Variants in CSMD3 observed in about 807,000 individuals in gnomAD.
CSMD3 encodes CUB and Sushi multiple domains 3, also known as CUB and sushi domain-containing protein 3.
Under a neutral mutation model 435.2 loss-of-function variants are expected in CSMD3, and 177 were observed. The ratio of observed to expected loss-of-function variants is 0.41; its 90% CI spans 0.36 to 0.46. The LOEUF is 0.46. CSMD3 is among the 20% of genes least tolerant of loss of function. The pLI, the probability that CSMD3 is intolerant of heterozygous loss-of-function variation, is 0.34. For missense variants in CSMD3, 4,265 were observed against 4,504.6 expected, an observed-to-expected ratio of 0.95 and a Z score of 1.52; for synonymous variants, 1,656 against 1,520.5, an observed-to-expected ratio of 1.09 and a Z score of -2.07.
intron 22 of CSMD3, among the ~76,000 whole-genome samples, chr8:112,615,653 T>C (rs999807866): frequency 1.3e-5 from 2 of 152,062 alleles, no homozygotes; most frequent in African/African-American, 4.8e-5. Context: ...TCACCAAACA[T>C]GGCTCTTAAA....
At chr8:112,496,312 A>T (rs978211695) in intron 30 of CSMD3, among the ~76,000 whole-genome samples, 1 of 152,258 alleles carries the variant, frequency 6.6e-6, no homozygotes, top group African/African-American at 2.4e-5. Flanking sequence ...TACTGGTGAG[A>T]ATGAGGAGAA....
intron 1 of CSMD3, among the ~76,000 whole-genome samples, chr8:113,316,566 T>C (rs1588502789): frequency 9.9e-6 from 1 of 100,510 alleles, no homozygotes; most frequent in Non-Finnish European, 2.1e-5. Flanking sequence ...TTTTTTTTTT[T>C]TGAGACGGAA....
At chr8:112,353,976 G>T (rs1408405141) in intron 38 of CSMD3, among the ~76,000 whole-genome samples, 2 of 152,116 alleles carry the variant, frequency 1.3e-5, no homozygotes, top group African/African-American at 2.4e-5. Context: ...AACTCCAGTA[G>T]CATATCAAAA....
intron 32 of CSMD3, among the ~76,000 whole-genome samples, chr8:112,440,931 G>A (rs1235683137): frequency 2.0e-5 from 3 of 152,162 alleles, no homozygotes; most frequent in East Asian, 1.9e-4. Flanking sequence ...TGCCATGAAC[G>A]TCTCTGATGG....
intron 32 of CSMD3, among the ~76,000 whole-genome samples, chr8:112,454,639 T>A (rs1348836035): frequency 6.6e-6 from 1 of 152,098 alleles, no homozygotes; most frequent in Non-Finnish European, 1.5e-5. Flanking sequence ...ATACAGTTGG[T>A]GGGAATGTAA....
At chr8:112,452,487 T>C (rs543511730) in intron 32 of CSMD3, among the ~76,000 whole-genome samples, 1 of 152,330 alleles carries the variant, frequency 6.6e-6, no homozygotes, top group Non-Finnish European at 1.5e-5. Flanking sequence ...CTAGTAAAGT[T>C]CTGTGATTAA....
intron 13 of CSMD3, among the ~76,000 whole-genome samples, chr8:112,749,225 T>C (rs902854039): frequency 1.3e-5 from 2 of 152,154 alleles, no homozygotes; most frequent in African/African-American, 2.4e-5. Context: ...AAGTTGCTTA[T>C]AGATCCTGGA....
intron 17 of CSMD3, among the ~76,000 whole-genome samples, chr8:112,661,721 A>G (rs999227242): frequency 6.6e-6 from 1 of 152,164 alleles, no homozygotes; most frequent in African/African-American, 2.4e-5. Context: ...GAATAAGAGA[A>G]TAAAAGAAAA....
At chr8:112,764,704 A>AT (rs1458279202) in intron 13 of CSMD3, among the ~76,000 whole-genome samples, 1 of 151,666 alleles carries the variant, frequency 6.6e-6, no homozygotes, top group African/African-American at 2.4e-5. Flanking sequence ...ATACATACTC[A>AT]TTTTTTAAGT....
intron 12 of CSMD3, among the ~76,000 whole-genome samples, chr8:112,811,089 A>G (rs1458933513): frequency 6.6e-6 from 1 of 151,978 alleles, no homozygotes; most frequent in Non-Finnish European, 1.5e-5. Flanking sequence ...AATTAATTCA[A>G]TTATATTTCT....
intron 17 of CSMD3, among the ~76,000 whole-genome samples, chr8:112,657,072 T>A (rs2075275351): frequency 6.6e-6 from 1 of 150,882 alleles, no homozygotes; most frequent in African/African-American, 2.4e-5. Context: ...TTTTTTTTTT[T>A]TTTTTTTTGA....
At chr8:112,444,075 TA>T (rs1488880034) in intron 32 of CSMD3, among the ~76,000 whole-genome samples, 2 of 152,206 alleles carry the variant, frequency 1.3e-5, no homozygotes, top group Non-Finnish European at 2.9e-5. Flanking sequence ...AGTTCCACAT[TA>T]TTTTTTGGAT....
rs544964396 is a variant in CSMD3, at chr8:112,572,845, G to A, written c.4042+656C>T. 2.0e-5 allele frequency among the ~76,000 whole-genome samples: 3 copies of A among 152,140 alleles called. No homozygotes were observed. The East Asian group carries it at 5.8e-4, about 29-fold the overall frequency. On this transcript the variant is annotated intron_variant, in intron 24 of 70. Coordinates refer to ENST00000297405, the MANE Select transcript of CSMD3 (RefSeq NM_198123.2). Reference sequence around the variant, plus strand: ...TGAATAGAATTTATTTTTCATTGGTGTAACTAGTCTGTTTCTTATATAACG... The same window carrying A: ...TGAATAGAATTTATTTTTCATTGGTATAACTAGTCTGTTTCTTATATAACG...
intron 38 of CSMD3, among the ~76,000 whole-genome samples, chr8:112,364,010 A>G (rs889853114): frequency 6.6e-6 from 1 of 152,006 alleles, no homozygotes; most frequent in Non-Finnish European, 1.5e-5. Flanking sequence ...TTCCCAAATA[A>G]TCAATTATAT....
chr8:112,989,718 C>A (rs1318473521), intron 6 of CSMD3, among the ~76,000 whole-genome samples: 1 of 151,868 alleles, frequency 6.6e-6, no homozygotes, highest in Non-Finnish European at 1.5e-5. Context: ...TTGCTGTGAC[C>A]AACAGAGTGC....
chr8:112,957,384 G>A (rs2084059883), intron 7 of CSMD3, among the ~76,000 whole-genome samples: 1 of 152,188 alleles, frequency 6.6e-6, no homozygotes. Context: ...TGTGTCATGT[G>A]TGGCAATTCC....
chr8:112,555,608 A>G (rs1014760030), intron 25 of CSMD3, among the ~76,000 whole-genome samples: 1 of 152,046 alleles, frequency 6.6e-6, no homozygotes, highest in South Asian at 2.1e-4. Context: ...ATTGCATTTT[A>G]GTTAGATAAA....
intron 24 of CSMD3, among the ~76,000 whole-genome samples, chr8:112,571,901 A>G (rs1452507935): frequency 3.3e-5 from 5 of 151,594 alleles, no homozygotes; most frequent in Admixed American, 1.3e-4. Context: ...AGAAAGAAAG[A>G]AAGAAAATAA....
At chr8:112,261,326 A>C (rs907788254) in intron 61 of CSMD3, among the ~76,000 whole-genome samples, 5 of 152,054 alleles carry the variant, frequency 3.3e-5, no homozygotes, top group Non-Finnish European at 7.4e-5. Context: ...ACTTGCATTA[A>C]ATTATAAAAT....
Sources: allele counts gnomAD v4.1 joint callset (sites outside exome capture counted in the v4.1 genomes callset), GRCh38; gene constraint gnomAD v4.1.1; transcripts MANE v1.5; gene names NCBI Gene and HGNC (gene_info 2026-07-23, HGNC 2026-07-21).